The following AGBL1 variants were observed in gnomAD, a reference collection of about 807,000 sequenced individuals.
The protein encoded by AGBL1 is AGBL carboxypeptidase 1, also known as cytosolic carboxypeptidase 4.
In AGBL1, 130 loss-of-function variants were observed where a neutral mutation model predicts 118.9. That is an observed-to-expected ratio of 1.09 (90% confidence interval 0.95 to 1.26). The LOEUF (loss-of-function observed/expected upper bound fraction) is 1.26. Among genes scored for constraint, AGBL1 ranks in the 50% most tolerant of loss-of-function variants. The probability of loss-of-function intolerance (pLI) is 0.00; values close to 1 mark genes in which losing one functional copy is unlikely to be tolerated. For missense variants in AGBL1, 1,584 were observed against 1,298.1 expected (o/e 1.22, Z -3.38); for synonymous variants, 555 against 478.9 (o/e 1.16, Z -2.08).
rs1457912494 is a variant in AGBL1, at chr15:86,987,361, T to C, written c.3222-626T>C. ...TTGTACATTGTTTTGCATACATAAGTGTATCTAGTAATTCTAAAAACTTCT... is the reference window on the plus strand; with the variant it reads ...TTGTACATTGTTTTGCATACATAAGCGTATCTAGTAATTCTAAAAACTTCT... On this transcript the variant is annotated intron_variant, in intron 23 of 24. Transcript: ENST00000441037. Among the ~76,000 whole-genome samples, 3 of 152,312 alleles carry C rather than the reference T, an allele frequency of 2.0e-5. No individual in the cohort carries two copies. The East Asian group carries it at 5.8e-4, about 29-fold the overall frequency.
intron 24 of AGBL1, among the ~76,000 whole-genome samples, chr15:87,018,013 A>G (rs1302175413): frequency 7.5e-6 from 1 of 133,796 alleles, no homozygotes; most frequent in Non-Finnish European, 1.5e-5. Context: ...CACAAGTATC[A>G]ATAGCAGAAT....
At chr15:86,174,390 A>C (rs2077454607) in intron 5 of AGBL1, among the ~76,000 whole-genome samples, 1 of 152,016 alleles carries the variant, frequency 6.6e-6, no homozygotes, top group African/African-American at 2.4e-5. Flanking sequence ...ACGTTATATA[A>C]AAAGAGAGAC....
At chr15:86,816,986 G>C (rs1331523361) in intron 22 of AGBL1, among the ~76,000 whole-genome samples, 1 of 152,094 alleles carries the variant, frequency 6.6e-6, no homozygotes, top group South Asian at 2.1e-4. Context: ...TAAACAGGGA[G>C]TAGCTGAGTT....
chr15:86,616,354 A>T (rs8039870), intron 21 of AGBL1, among the ~76,000 whole-genome samples: 8,812 of 144,960 alleles, frequency 0.061, 473 homozygotes, highest in East Asian at 0.11. Context: ...AAAAAAAAAA[A>T]AAAAAAAAAA....
chr15:86,500,636 G>T lies in AGBL1; in HGVS notation c.2556-22174G>T, dbSNP rs546336333. Among the ~76,000 whole-genome samples, 3 of 151,750 alleles carry T rather than the reference G, an allele frequency of 2.0e-5. No individual in the cohort carries two copies. The South Asian group carries it at 6.2e-4, about 31-fold the overall frequency. Reference sequence around the variant, plus strand: ...ATTTTCATCTCCCCAAAAGAAAGCTGTTAACCATCCTTCCCTGTTTTCCTC... The same window carrying T: ...ATTTTCATCTCCCCAAAAGAAAGCTTTTAACCATCCTTCCCTGTTTTCCTC... On this transcript the variant is annotated intron_variant, in intron 18 of 22. Transcript: ENST00000614907.
intron 21 of AGBL1, among the ~76,000 whole-genome samples, chr15:86,621,986 G>A (rs1013797064): frequency 5.3e-5 from 8 of 152,076 alleles, no homozygotes; most frequent in Non-Finnish European, 1.0e-4. Flanking sequence ...TTAGAAACCA[G>A]CTTCCCTCTA....
At chr15:86,085,598 T>C (rs1895591184) in intron 1 of AGBL1, among the ~76,000 whole-genome samples, 1 of 152,180 alleles carries the variant, frequency 6.6e-6, no homozygotes, top group Non-Finnish European at 1.5e-5. Context: ...CTTTTGTCAC[T>C]GGACTTCTTC....
Position 86,267,054 on chromosome 15 carries a change from C to G in AGBL1, c.1816C>G (p.Arg606Gly), listed in dbSNP as rs776681505. 3 of 1,565,918 alleles carry G rather than the reference C, an allele frequency of 1.9e-6. No homozygotes were observed. In the African/African-American group the frequency reaches 4.1e-5, roughly 21 times the overall value. The change falls in exon 13 of 23, where the codon CGC (arginine) becomes GGC (glycine). Residue 606 changes from arginine (R) to glycine (G), a missense_variant. By Grantham distance (125) the Arg-to-Gly change is moderately radical. Transcript: ENST00000614907. Reference sequence around the variant, plus strand: ...CTCCAAATTTGAGTCAGGAAATCTTCGCAAAGCCATCCAAGTGCGTGAGTA... The same window carrying G: ...CTCCAAATTTGAGTCAGGAAATCTTGGCAAAGCCATCCAAGTGCGTGAGTA... ...FFSKFESGNL[R>G]KAIQVREFEY...
At chr15:86,483,546 A>C (rs2142128336) in intron 18 of AGBL1, among the ~76,000 whole-genome samples, 1 of 152,200 alleles carries the variant, frequency 6.6e-6, no homozygotes, top group South Asian at 2.1e-4. Context: ...CTCTTGACCA[A>C]GAGGGTGTCC....
intron 24 of AGBL1, among the ~76,000 whole-genome samples, chr15:86,998,041 G>T (rs971085446): frequency 1.3e-5 from 2 of 152,016 alleles, no homozygotes; most frequent in African/African-American, 4.8e-5. Context: ...ATAGTAGATT[G>T]AATGTCTGTG....
At chr15:86,173,621 G>A (rs1356373011) in intron 5 of AGBL1, among the ~76,000 whole-genome samples, 1 of 151,946 alleles carries the variant, frequency 6.6e-6, no homozygotes, top group Admixed American at 6.6e-5. Flanking sequence ...ATTTTTGTAT[G>A]TGCCGAGAGG....
At chr15:86,469,046 T>C (rs1039638416) in intron 18 of AGBL1, among the ~76,000 whole-genome samples, 1 of 152,108 alleles carries the variant, frequency 6.6e-6, no homozygotes, top group African/African-American at 2.4e-5. Context: ...GTCAAGCTAG[T>C]TAATGTAGCC....
At chr15:86,553,678 T>A (rs1163043732) in intron 20 of AGBL1, among the ~76,000 whole-genome samples, 3 of 152,178 alleles carry the variant, frequency 2.0e-5, no homozygotes, top group Non-Finnish European at 4.4e-5. Flanking sequence ...AGTCTGTAAA[T>A]TTCAAGTCCC....
chr15:86,272,804 T>C (rs1396961482), intron 15 of AGBL1, among the ~76,000 whole-genome samples: 1 of 152,180 alleles, frequency 6.6e-6, no homozygotes, highest in Admixed American at 6.5e-5. Context: ...CTAAAGAGGA[T>C]TTTTTTATAT....
chr15:86,224,829 G>C lies in AGBL1; in HGVS notation c.489-85G>C, dbSNP rs1173973739. ...TTAATCATGGGTCTGTTATGGGGTGGCAATGGGCATGCTGGCTGTGGGATC... is the reference window on the plus strand; with the variant it reads ...TTAATCATGGGTCTGTTATGGGGTGCCAATGGGCATGCTGGCTGTGGGATC... On this transcript the variant is annotated intron_variant, in intron 5 of 22. Transcript: ENST00000614907. 3 of 1,308,616 alleles carry C rather than the reference G, an allele frequency of 2.3e-6. No homozygotes were observed. The African/African-American group carries it at 4.4e-5, about 19-fold the overall frequency. The allele number at this position is 1,308,616 out of a possible 1,614,324, so 81.1% of individuals were successfully genotyped here.
chr15:86,340,887 C>T (rs1482714765), intron 17 of AGBL1, among the ~76,000 whole-genome samples: 1 of 152,106 alleles, frequency 6.6e-6, no homozygotes, highest in Admixed American at 6.6e-5. Context: ...GCATTGGTAC[C>T]ACTCTGACTG....
rs144294901 is a variant in AGBL1, at chr15:86,195,552, T to C, written c.489-29362T>C. On this transcript the variant is annotated intron_variant, in intron 5 of 22. Transcript: ENST00000614907. ...GAAAATAAAAAAGATTGGATATCTATTACAGCTTCTTAAAAGTCTGCAAAT... is the reference window on the plus strand; with the variant it reads ...GAAAATAAAAAAGATTGGATATCTACTACAGCTTCTTAAAAGTCTGCAAAT... Among the ~76,000 whole-genome samples, 1,103 of 152,312 alleles carry C rather than the reference T, an allele frequency of 7.2e-3. 5 individuals are homozygous for C. The highest frequency in any genetic ancestry group is 0.027 in the Middle Eastern group (8 of 294).
Position 86,428,667 on chromosome 15 carries a change from T to C in AGBL1, c.2555+31121T>C, listed in dbSNP as rs552536601. On this transcript the variant is annotated intron_variant, in intron 18 of 22. Transcript: ENST00000614907. Reference sequence around the variant, plus strand: ...GTGACTAGAATTAAGGACTCATATATTGACCACTGGGGCTGTTAATCATGA... The same window carrying C: ...GTGACTAGAATTAAGGACTCATATACTGACCACTGGGGCTGTTAATCATGA... Among the ~76,000 whole-genome samples, 3 of 152,324 alleles carry C rather than the reference T, an allele frequency of 2.0e-5. No individual in the cohort carries two copies. In the South Asian group the frequency reaches 6.2e-4, roughly 32 times the overall value.
chr15:86,668,865 G>T (rs2085692510), intron 21 of AGBL1, among the ~76,000 whole-genome samples: 2 of 152,068 alleles, frequency 1.3e-5, no homozygotes, highest in Non-Finnish European at 2.9e-5. Context: ...CATGTCTTTG[G>T]GTAGAGCAGT....
Sources: gnomAD v4.1 joint callset for allele counts (sites outside exome capture counted in the v4.1 genomes callset) on GRCh38, gnomAD v4.1.1 for gene constraint, MANE v1.5 for transcripts, NCBI Gene and HGNC (gene_info 2026-07-23, HGNC 2026-07-21) for gene names.